Variants in ATG13 observed in about 807,000 individuals in gnomAD.
ATG13 encodes autophagy related 13.
A neutral mutation model predicts 65.5 loss-of-function variants in ATG13; 23 were observed. The observed-to-expected ratio is 0.35, with a 90% CI of 0.25 to 0.50. ATG13 has a LOEUF of 0.50. Ranked by LOEUF, ATG13 falls within the 20% of genes least tolerant of loss-of-function variation. The probability of loss-of-function intolerance (pLI) is 0.98; values close to 1 mark genes in which losing one functional copy is unlikely to be tolerated. For missense variants in ATG13, 566 were observed against 677.0 expected (o/e 0.84, Z 1.82); for synonymous variants, 252 against 245.2 (o/e 1.03, Z -0.26).
At chr11:46,656,908 T>TAC (rs1455493304) in intron 8 of ATG13, 187 bp from the exon 9 acceptor site, 9 of 510,672 alleles carry the variant, frequency 1.8e-5, no homozygotes, top group Admixed American at 9.8e-5. Flanking sequence ...AACCTATATA[T>TAC]ACACACACAT....
chr11:46,624,022 T>G (rs2048614869), intron 1 of ATG13, among the ~76,000 whole-genome samples: 1 of 151,836 alleles, frequency 6.6e-6, no homozygotes, highest in African/African-American at 2.4e-5. Flanking sequence ...TTTTTTTTTT[T>G]TTGAGATGGA....
chr11:46,652,377 G>A (rs2059100665), intron 7 of ATG13, among the ~76,000 whole-genome samples: 1 of 152,124 alleles, frequency 6.6e-6, no homozygotes, highest in African/African-American at 2.4e-5. Context: ...TTTTCCACCT[G>A]CTTTTTATAC....
intron 1 of ATG13, chr11:46,625,275 T>C (rs1185159752): frequency 1.4e-5 from 2 of 145,212 alleles, no homozygotes; most frequent in Non-Finnish European, 3.0e-5. Context: ...CTTTCTTTTT[T>C]TTTTTTTTTT....
chr11:46,657,177 A>G lies in ATG13; in HGVS notation c.582A>G (p.Ala194=). ...TLSCAYRINL[A]FMSTRQFERT... Reference sequence around the variant, plus strand: ...CTTGTGCTTACAGAATTAACTTGGCATTCATGTCTACCAGGTGAGGAAGAG... The same window carrying G: ...CTTGTGCTTACAGAATTAACTTGGCGTTCATGTCTACCAGGTGAGGAAGAG... The change falls in exon 9 of 19, where the codon GCA becomes GCG. Residue 194 remains alanine (A), a synonymous_variant. Coordinates refer to ENST00000683050, the MANE Select transcript of ATG13 (RefSeq NM_001346311.2). 1 of 1,613,612 alleles carries G rather than the reference A, an allele frequency of 6.2e-7. No individual in the cohort carries two copies. The highest frequency in any genetic ancestry group is 1.1e-5 in the South Asian group (1 of 91,080).
intron 2 of ATG13, among the ~76,000 whole-genome samples, chr11:46,641,362 G>C (rs1032086193): frequency 5.3e-5 from 8 of 152,170 alleles, no homozygotes; most frequent in African/African-American, 1.9e-4. Flanking sequence ...GAGCCACTGT[G>C]CCCGGCCTAG....
At chr11:46,665,574 C>T in intron 14 of ATG13, 55 bp downstream of exon 14, 1 of 1,591,276 alleles carries the variant, frequency 6.3e-7, no homozygotes, top group Non-Finnish European at 8.6e-7. Flanking sequence ...GCCTGGGCTC[C>T]CTGACACACG....
intron 1 of ATG13, among the ~76,000 whole-genome samples, chr11:46,621,511 T>C (rs1196926330): frequency 2.0e-5 from 3 of 152,178 alleles, no homozygotes; most frequent in Non-Finnish European, 4.4e-5. Context: ...GGGGTTTCAG[T>C]GTTTCTACAC....
At position 46,672,528 on chromosome 11, in the gene ATG13, A is replaced by C. The variant is rs2063993425; in HGVS notation, c.*196A>C. ...GTGGCGGCAGTCAAGCCCAGTGCCC[A>C]GTTGGAGAAGACTCACGTGCTGGCC... On this transcript the variant is annotated 3_prime_UTR_variant, in exon 19 of 19. Coordinates refer to ENST00000683050, the MANE Select transcript of ATG13 (RefSeq NM_001346311.2). 1.4e-5 allele frequency: 21 copies of C among 1,460,930 alleles called. No individual in the cohort carries two copies. The highest frequency in any genetic ancestry group is 1.9e-5 in the Non-Finnish European group (21 of 1,107,050). The allele number at this position is 1,460,930 out of a possible 1,614,324, so 90.5% of individuals were successfully genotyped here. A position where few individuals can be genotyped will look rare whatever the true frequency, so the allele number is the denominator to read the frequency against.
intron 14 of ATG13, 151 bp downstream of exon 14, chr11:46,665,670 G>C: frequency 1.7e-6 from 2 of 1,157,044 alleles, no homozygotes; most frequent in Non-Finnish European, 2.4e-6. Flanking sequence ...CTAGCTGGGA[G>C]TGGTGGCTCA....
intron 11 of ATG13, among the ~76,000 whole-genome samples, chr11:46,660,804 G>A (rs1469082465): frequency 5.9e-5 from 9 of 151,626 alleles, no homozygotes. Flanking sequence ...GACCTCCCAG[G>A]GTCAGGTGAT....
At chr11:46,646,101 T>G (rs567289774) in intron 5 of ATG13, 112 bp downstream of exon 5, 1 of 1,405,108 alleles carries the variant, frequency 7.1e-7, no homozygotes, top group African/African-American at 1.5e-5. Context: ...GATATTCTTA[T>G]CATTCTCTGA....
At chr11:46,650,530 A>G (rs1446172169) in intron 7 of ATG13, among the ~76,000 whole-genome samples, 1 of 152,192 alleles carries the variant, frequency 6.6e-6, no homozygotes, top group South Asian at 2.1e-4. Context: ...TATATGCACA[A>G]TCGTGATTCC....
At chr11:46,645,246 T>C in intron 3 of ATG13, 93 bp from the exon 4 acceptor site, 2 of 1,027,436 alleles carry the variant, frequency 1.9e-6, no homozygotes, top group East Asian at 5.1e-5. Flanking sequence ...TTTTAAACTC[T>C]GTATTGGGAG....
At chr11:46,640,102 C>T (rs2055447152) in intron 2 of ATG13, among the ~76,000 whole-genome samples, 1 of 152,094 alleles carries the variant, frequency 6.6e-6, no homozygotes, top group Non-Finnish European at 1.5e-5. Context: ...ATCTTGGCCC[C>T]CCAAAGTACT....
intron 5 of ATG13, 53 bp downstream of exon 5, chr11:46,646,042 C>G: frequency 6.2e-7 from 1 of 1,606,274 alleles, no homozygotes; most frequent in South Asian, 1.1e-5. Context: ...GCTCCTCACA[C>G]TCTGAGTCCA....
chr11:46,619,951 C>A, intron 1 of ATG13, among the ~76,000 whole-genome samples: 1 of 148,488 alleles, frequency 6.7e-6, no homozygotes. Context: ...ATCGCTTGAA[C>A]CCAGGAGGTG....
At chr11:46,656,523 A>G in intron 8 of ATG13, 1 of 342,610 alleles carries the variant, frequency 2.9e-6, no homozygotes, top group Non-Finnish European at 5.2e-6. Flanking sequence ...TATTTTCCTA[A>G]TTTTCTACAG....
chr11:46,664,734 TG>T, intron 12 of ATG13, 114 bp from the exon 13 acceptor site: 1 of 879,546 alleles, frequency 1.1e-6, no homozygotes, highest in Non-Finnish European at 1.8e-6. Flanking sequence ...ACTGTGGGCA[TG>T]TGGGCGGGAG....
At chr11:46,620,313 T>G (rs1281190315) in intron 1 of ATG13, among the ~76,000 whole-genome samples, 1 of 151,270 alleles carries the variant, frequency 6.6e-6, no homozygotes, top group Non-Finnish European at 1.5e-5. Context: ...CAGGCTGGTC[T>G]CCAACTCCTG....
Sources: gnomAD v4.1 joint callset for allele counts (sites outside exome capture counted in the v4.1 genomes callset) on GRCh38, gnomAD v4.1.1 for gene constraint, MANE v1.5 for transcripts, NCBI Gene and HGNC (gene_info 2026-07-23, HGNC 2026-07-21) for gene names.